Variants in NDUFAF2 observed in about 807,000 individuals in gnomAD.
NDUFAF2 encodes NADH dehydrogenase [ubiquinone] 1 alpha subcomplex assembly factor 2.
Under a neutral mutation model 22.8 loss-of-function variants are expected in NDUFAF2, and 13 were observed. The observed-to-expected ratio is 0.57, with a 90% CI of 0.37 to 0.91. The LOEUF (loss-of-function observed/expected upper bound fraction) is 0.91, where lower values mean the gene tolerates loss of function less well. NDUFAF2 is among the 40% of genes least tolerant of loss of function. NDUFAF2 has a pLI of 0.01. For synonymous variants in NDUFAF2, 53 were observed against 64.2 expected, an observed-to-expected ratio of 0.83 and a Z score of 0.84; for missense variants, 162 against 195.2, an observed-to-expected ratio of 0.83 and a Z score of 1.01.
At chr5:60,992,234 T>G (rs551058278) in intron 1 of NDUFAF2, among the ~76,000 whole-genome samples, 95 of 152,308 alleles carry the variant, frequency 6.2e-4, no homozygotes, top group African/African-American at 2.2e-3. Flanking sequence ...ATATTTTCTC[T>G]TACTCTGTGG....
chr5:61,130,945 A>G (rs1167326606), intron 3 of NDUFAF2, among the ~76,000 whole-genome samples: 3 of 152,176 alleles, frequency 2.0e-5, no homozygotes, highest in African/African-American at 7.2e-5. Context: ...ACTGAAGGAT[A>G]AAAAAGGAAT....
chr5:60,951,088 AGTGCGATATTGGCTCG>A (rs1300307576), intron 1 of NDUFAF2, among the ~76,000 whole-genome samples: 1 of 151,920 alleles, frequency 6.6e-6, no homozygotes, highest in Non-Finnish European at 1.5e-5. Flanking sequence ...GGAGTGCAGT[AGTGCGATATTGGCTCG>A]GTGCAACCTC....
chr5:61,003,694 A>G (rs973287505), intron 1 of NDUFAF2, among the ~76,000 whole-genome samples: 1 of 145,590 alleles, frequency 6.9e-6, no homozygotes, highest in East Asian at 2.0e-4. Flanking sequence ...TCTGTCACCC[A>G]GGCTGGAGTG....
At chr5:60,952,760 T>C (rs999062566) in intron 1 of NDUFAF2, among the ~76,000 whole-genome samples, 4 of 152,144 alleles carry the variant, frequency 2.6e-5, no homozygotes, top group Non-Finnish European at 4.4e-5. Context: ...TTTGTACTTA[T>C]TCTATCAATT....
At chr5:60,972,777 T>TC (rs1201407976) in intron 1 of NDUFAF2, among the ~76,000 whole-genome samples, 1 of 151,036 alleles carries the variant, frequency 6.6e-6, no homozygotes, top group Non-Finnish European at 1.5e-5. Context: ...TATTCTGTTT[T>TC]TTTTTTTTTT....
At chr5:60,976,024 G>A (rs939269428) in intron 1 of NDUFAF2, among the ~76,000 whole-genome samples, 4 of 152,182 alleles carry the variant, frequency 2.6e-5, no homozygotes, top group African/African-American at 9.6e-5. Context: ...GATGATCCAA[G>A]TAGCTTGGCC....
chr5:61,035,838 A>G (rs1206169471), intron 1 of NDUFAF2, among the ~76,000 whole-genome samples: 1 of 152,220 alleles, frequency 6.6e-6, no homozygotes, highest in Non-Finnish European at 1.5e-5. Context: ...TGATGAGTCT[A>G]CATTCTATCT....
intron 2 of NDUFAF2, among the ~76,000 whole-genome samples, chr5:61,091,787 G>A (rs1311740259): frequency 6.6e-6 from 1 of 152,068 alleles, no homozygotes; most frequent in Non-Finnish European, 1.5e-5. Flanking sequence ...TATATGCTCA[G>A]TGGTATTGCC....
intron 1 of NDUFAF2, among the ~76,000 whole-genome samples, chr5:61,002,289 CACTT>C (rs375480989): frequency 3.3e-5 from 5 of 152,236 alleles, no homozygotes; most frequent in African/African-American, 9.6e-5. Flanking sequence ...TTTAATGTAT[CACTT>C]ACTTCTCTGT....
intron 2 of NDUFAF2, among the ~76,000 whole-genome samples, chr5:61,077,490 A>T (rs1055356399): frequency 4.6e-5 from 7 of 152,218 alleles, no homozygotes; most frequent in African/African-American, 1.4e-4. Context: ...TGATAGAAAA[A>T]GAAGTATAGC....
intron 1 of NDUFAF2, among the ~76,000 whole-genome samples, chr5:60,969,763 C>T (rs1218895132): frequency 2.0e-5 from 3 of 151,968 alleles, no homozygotes; most frequent in African/African-American, 7.2e-5. Flanking sequence ...CTTTGGTTGC[C>T]TGCACCTGTA....
In NDUFAF2 at chr5:61,020,198, TATTTTC is replaced by T. The variant is rs1280702586; in HGVS notation, c.128-52925_128-52920del. Among the ~76,000 whole-genome samples the T allele has an allele frequency of 2.0e-5, 3 of 152,294 alleles. No individual in the cohort carries two copies. The East Asian group carries it at 5.8e-4, about 29-fold the overall frequency. Reference sequence around the variant, plus strand: ...AATTAATAAGATGTTTGTCTATAATTATTTTCAAAGAACTAGCTTTTAATTACATCG... The same window carrying T: ...AATTAATAAGATGTTTGTCTATAATTAAAGAACTAGCTTTTAATTACATCG... On this transcript the variant is annotated intron_variant, in intron 1 of 3. Transcript: ENST00000296597.
chr5:60,979,111 A>C (rs758342672), intron 1 of NDUFAF2, among the ~76,000 whole-genome samples: 13 of 152,154 alleles, frequency 8.5e-5, no homozygotes, highest in Non-Finnish European at 1.9e-4. Flanking sequence ...TGCAGGATTT[A>C]TTACTTGCTG....
At chr5:60,996,190 G>A (rs905747110) in intron 1 of NDUFAF2, among the ~76,000 whole-genome samples, 1 of 152,026 alleles carries the variant, frequency 6.6e-6, no homozygotes, top group African/African-American at 2.4e-5. Flanking sequence ...CTGACCCAAG[G>A]TCCTCGATGT....
intron 1 of NDUFAF2, among the ~76,000 whole-genome samples, chr5:61,008,570 A>G (rs1382695560): frequency 6.6e-6 from 1 of 152,134 alleles, no homozygotes; most frequent in Non-Finnish European, 1.5e-5. Flanking sequence ...TTCATTCCCT[A>G]TAAAATGCGG....
intron 1 of NDUFAF2, among the ~76,000 whole-genome samples, chr5:60,954,738 C>T (rs1419584844): frequency 1.3e-5 from 2 of 151,530 alleles, no homozygotes; most frequent in Non-Finnish European, 2.9e-5. Context: ...AGCCACCGTG[C>T]TCTGCTGTCC....
At position 61,129,182 on chromosome 5, in the gene NDUFAF2, T is replaced by C. The variant is rs1753076283; in HGVS notation, c.259-23522T>C. Among the ~76,000 whole-genome samples, 7 of 152,288 alleles carry C rather than the reference T, an allele frequency of 4.6e-5. No individual in the cohort carries two copies. The South Asian group carries it at 1.5e-3, about 32-fold the overall frequency. On this transcript the variant is annotated intron_variant, in intron 3 of 3. Coordinates refer to ENST00000296597, the MANE Select transcript of NDUFAF2 (RefSeq NM_174889.5). ...AGGATGTGGAGAAATAGAACAGTTTTACACTGTTGGTGGGACTGTAAACTA... is the reference window on the plus strand; with the variant it reads ...AGGATGTGGAGAAATAGAACAGTTTCACACTGTTGGTGGGACTGTAAACTA...
At chr5:60,981,645 A>T (rs888074351) in intron 1 of NDUFAF2, among the ~76,000 whole-genome samples, 1 of 152,228 alleles carries the variant, frequency 6.6e-6, no homozygotes, top group Non-Finnish European at 1.5e-5. Context: ...GACATAGTAC[A>T]ATAAGATATA....
At chr5:61,081,810 C>T (rs775971908) in intron 2 of NDUFAF2, among the ~76,000 whole-genome samples, 11 of 152,122 alleles carry the variant, frequency 7.2e-5, no homozygotes, top group Non-Finnish European at 1.5e-4. Flanking sequence ...ATTTGTTCTT[C>T]CTGTTGTGAT....
Sources: allele counts gnomAD v4.1 joint callset (sites outside exome capture counted in the v4.1 genomes callset), GRCh38; gene constraint gnomAD v4.1.1; transcripts MANE v1.5; gene names NCBI Gene and HGNC (gene_info 2026-07-23, HGNC 2026-07-21).